SLC22A3: variants seen among roughly 807,000 people sequenced by gnomAD.
SLC22A3 encodes the protein EMT organic cation transporter 3.
In SLC22A3, 51 loss-of-function variants were observed where a neutral mutation model predicts 59.1. The ratio of observed to expected loss-of-function variants is 0.86; its 90% CI spans 0.69 to 1.09. The LOEUF is 1.09. Among genes scored for constraint, SLC22A3 ranks in the 50% least tolerant of loss-of-function variants. The pLI is 0.00. For synonymous variants in SLC22A3, 325 were observed against 292.0 expected (o/e 1.11, Z -1.15); for missense variants, 711 against 726.3 (o/e 0.98, Z 0.24).
In SLC22A3 at chr6:160,442,748, T is replaced by G. The variant is rs747482147; in HGVS notation, c.1289-13T>G. 4 of 1,597,664 alleles carry G rather than the reference T, an allele frequency of 2.5e-6. No homozygotes were observed. Among genetic ancestry groups the G allele is most frequent in the Non-Finnish European group, 2.6e-6 (3 of 1,164,982 alleles). On this transcript the variant is annotated splice_polypyrimidine_tract_variant and intron_variant, in intron 7 of 10. Coordinates refer to ENST00000275300, the MANE Select transcript of SLC22A3 (RefSeq NM_021977.4). ...CCCCTAACTCCTCCCTTTCAAACTT[T>G]CTGTGTTTGCAGGAATAGCATGGTT...
intron 1 of SLC22A3, among the ~76,000 whole-genome samples, chr6:160,377,694 C>T (rs570798570): frequency 2.1e-4 from 32 of 152,234 alleles, no homozygotes; most frequent in African/African-American, 7.0e-4. Flanking sequence ...GAAAATAATT[C>T]TGTGGTCAAG....
At chr6:160,393,110 T>C (rs117178232) in intron 1 of SLC22A3, among the ~76,000 whole-genome samples, 65 of 151,944 alleles carry the variant, frequency 4.3e-4, no homozygotes, top group Non-Finnish European at 8.2e-4. Flanking sequence ...ATAACTAAAG[T>C]AAAATACTGT....
chr6:160,432,941 G>C (rs904088278), intron 5 of SLC22A3, among the ~76,000 whole-genome samples: 7 of 152,150 alleles, frequency 4.6e-5, no homozygotes, highest in Non-Finnish European at 1.0e-4. Flanking sequence ...TAATAGGAAT[G>C]ATAGTAGTAT....
chr6:160,387,060 A>G (rs777677881), intron 1 of SLC22A3, among the ~76,000 whole-genome samples: 6 of 152,200 alleles, frequency 3.9e-5, no homozygotes, highest in Non-Finnish European at 7.3e-5. Context: ...CAAGGCAGCC[A>G]TGCCCAGGCC....
rs1480432089 is a variant in SLC22A3 at position 160,415,098 on chromosome 6, A to G, written c.975+4252A>G. ...AAACATATGTCTTCAAACCGAACCT[A>G]CCCATCTTTAATCTTTTTAATTGTA... On this transcript the variant is annotated intron_variant, in intron 5 of 10. Transcript: ENST00000275300. The surrounding 1 kb of genome is among the most constrained non-coding windows in gnomAD (Gnocchi z 4.1). Among the ~76,000 whole-genome samples the G allele has an allele frequency of 1.3e-5, 2 of 152,144 alleles. No homozygotes were observed. Among genetic ancestry groups the G allele is most frequent in the Admixed American group, 6.5e-5 (1 of 15,280 alleles).
chr6:160,396,114 T>C (rs1350637393), intron 1 of SLC22A3, among the ~76,000 whole-genome samples: 1 of 152,206 alleles, frequency 6.6e-6, no homozygotes, highest in Non-Finnish European at 1.5e-5. Context: ...ATGTCCCTTT[T>C]AAGGATGCAG....
intron 1 of SLC22A3, 118 bp downstream of exon 1, chr6:160,348,966 C>A: frequency 2.0e-6 from 3 of 1,523,674 alleles, no homozygotes; most frequent in African/African-American, 2.8e-5. Flanking sequence ...GGGGACCGGT[C>A]GGCTACCTCT....
intron 5 of SLC22A3, among the ~76,000 whole-genome samples, chr6:160,420,329 G>A (rs1389303583): frequency 6.6e-6 from 1 of 152,210 alleles, no homozygotes; most frequent in Non-Finnish European, 1.5e-5. Context: ...ACTATGGTGA[G>A]CCAGGGCCTT....
intron 7 of SLC22A3, among the ~76,000 whole-genome samples, chr6:160,439,861 C>A (rs564606573): frequency 3.3e-4 from 51 of 152,276 alleles, no homozygotes; most frequent in Middle Eastern, 3.4e-3. Context: ...TCCCTTGAGT[C>A]CTTCCAATTT....
At chr6:160,393,489 T>G (rs1786346524) in intron 1 of SLC22A3, among the ~76,000 whole-genome samples, 2 of 140,636 alleles carry the variant, frequency 1.4e-5, no homozygotes, top group Admixed American at 1.5e-4. Context: ...CCTTCCTGTG[T>G]CCATGTGTTC....
chr6:160,352,061 G>C lies in SLC22A3; in HGVS notation c.429+3213G>C, dbSNP rs148251362. On this transcript the variant is annotated intron_variant, in intron 1 of 10. Transcript: ENST00000275300. ...AATGGGCTACTTTGTTTCATTTTAC[G>C]GTGTCAGGATCCACAGTCAGCCAGA... is the stretch of plus-strand genomic sequence containing the variant. 3.3e-3 allele frequency among the ~76,000 whole-genome samples: 505 copies of C among 152,152 alleles called. 3 individuals are homozygous for C. Among genetic ancestry groups the C allele is most frequent in the African/African-American group, 0.012 (479 of 41,500 alleles).
At chr6:160,450,344 C>G (rs1351772441) in intron 10 of SLC22A3, among the ~76,000 whole-genome samples, 1 of 152,186 alleles carries the variant, frequency 6.6e-6, no homozygotes, top group African/African-American at 2.4e-5. Flanking sequence ...AGGCTCTCTG[C>G]AAGAAGAAAA....
intron 1 of SLC22A3, among the ~76,000 whole-genome samples, chr6:160,386,672 G>A (rs1368876647): frequency 6.6e-6 from 1 of 152,212 alleles, no homozygotes; most frequent in Non-Finnish European, 1.5e-5. Flanking sequence ...TAGAGCAGCT[G>A]CTGCCACCAG....
At chr6:160,443,807 A>G (rs1309084396) in intron 9 of SLC22A3, 65 bp downstream of exon 9, 1 of 847,216 alleles carries the variant, frequency 1.2e-6, no homozygotes, top group African/African-American at 1.7e-5. Context: ...AGAGACCTAT[A>G]ATAATTGTTA....
Position 160,420,967 on chromosome 6 carries a change from G to T in SLC22A3, c.975+10121G>T, listed in dbSNP as rs116848695. Among the ~76,000 whole-genome samples, 62 of 152,188 alleles carry T rather than the reference G, an allele frequency of 4.1e-4. No homozygotes were observed. In the East Asian group the frequency reaches 0.011, roughly 28 times the overall value. On this transcript the variant is annotated intron_variant, in intron 5 of 10. Coordinates refer to ENST00000275300, the MANE Select transcript of SLC22A3 (RefSeq NM_021977.4). Reference sequence around the variant, plus strand: ...CCTTTCTTTCCGCACCCCTTCCTCCGCAGAGCCTCATGTCTACCTGGTTCT... The same window carrying T: ...CCTTTCTTTCCGCACCCCTTCCTCCTCAGAGCCTCATGTCTACCTGGTTCT...
At chr6:160,389,036 G>A (rs1032503262) in intron 1 of SLC22A3, among the ~76,000 whole-genome samples, 8 of 152,182 alleles carry the variant, frequency 5.3e-5, no homozygotes, top group African/African-American at 1.9e-4. Context: ...GAGAAGCCAA[G>A]GGGAAGACTC....
At position 160,442,805 on chromosome 6, in the gene SLC22A3, G is replaced by A. The variant is rs1274182687; in HGVS notation, c.1333G>A (p.Gly445Arg). 1 of 1,614,098 alleles carries A rather than the reference G, an allele frequency of 6.2e-7. No homozygotes were observed. The highest frequency in any genetic ancestry group is 1.7e-5 in the Admixed American group (1 of 60,028). ...RTTVATLGRLGITMAFEIVYL... is the reference protein window; with the variant it reads ...RTTVATLGRLRITMAFEIVYL... ...CACAGTGGCTACATTGGGAAGACTA[G>A]GGATAACCATGGCCTTTGAAATTGT... The change falls in exon 8 of 11, where the codon GGG becomes AGG. Residue 445 changes from glycine (G) to arginine (R), a missense_variant. Coordinates refer to ENST00000275300, the MANE Select transcript of SLC22A3 (RefSeq NM_021977.4).
At chr6:160,420,393 T>C (rs79692178) in intron 5 of SLC22A3, among the ~76,000 whole-genome samples, 1,622 of 152,312 alleles carry the variant, frequency 0.011, 13 homozygotes, top group Non-Finnish European at 0.015. Context: ...AAATAAATCA[T>C]TGGGCCATGC....
intron 1 of SLC22A3, among the ~76,000 whole-genome samples, chr6:160,368,862 C>G (rs1467448619): frequency 6.6e-6 from 1 of 152,196 alleles, no homozygotes; most frequent in African/African-American, 2.4e-5. Context: ...TTCGTGCTCC[C>G]TGGTACATCT....
Sources: allele counts gnomAD v4.1 joint callset (sites outside exome capture counted in the v4.1 genomes callset), GRCh38; gene constraint gnomAD v4.1.1; non-coding constraint Gnocchi (gnomAD v3.1); transcripts MANE v1.5; gene names NCBI Gene and HGNC (gene_info 2026-07-23, HGNC 2026-07-21).